CCDC178: variants seen among roughly 807,000 people sequenced by gnomAD.
CCDC178 encodes the protein coiled-coil domain containing 178.
Under a neutral mutation model 117.4 loss-of-function variants are expected in CCDC178, and 126 were observed. The ratio of observed to expected loss-of-function variants is 1.07; its 90% CI spans 0.93 to 1.24. The LOEUF (loss-of-function observed/expected upper bound fraction) is 1.24. Among genes scored for constraint, CCDC178 ranks in the 50% most tolerant of loss-of-function variants. CCDC178 has a pLI of 0.00. For synonymous variants in CCDC178, 283 were observed against 313.4 expected, an observed-to-expected ratio of 0.90 and a Z score of 1.02; for missense variants, 1,030 against 986.9, an observed-to-expected ratio of 1.04 and a Z score of -0.59.
chr18:33,028,856 T>C (rs1442261130), intron 21 of CCDC178, among the ~76,000 whole-genome samples: 2 of 151,916 alleles, frequency 1.3e-5, no homozygotes, highest in African/African-American at 4.8e-5. Flanking sequence ...TAACCTTGCA[T>C]ACCTAGGAAA....
rs112632471 is a variant in CCDC178, at chr18:33,433,407, T to C, written c.-23+6555A>G. Reference sequence around the variant, plus strand: ...AATGGAGAGACTAACTCTCCCTTAATTACGACCTTGTCAAAAGGTCATGAG... The same window carrying C: ...AATGGAGAGACTAACTCTCCCTTAACTACGACCTTGTCAAAAGGTCATGAG... On this transcript the variant is annotated intron_variant, in intron 2 of 22. Coordinates refer to ENST00000383096, the MANE Select transcript of CCDC178 (RefSeq NM_001105528.4). Among the ~76,000 whole-genome samples the C allele has an allele frequency of 5.3e-3, 812 of 152,282 alleles. 4 individuals carry two copies. The highest frequency in any genetic ancestry group is 0.034 in the Middle Eastern group (10 of 294).
At chr18:33,027,489 A>T (rs567177993) in intron 21 of CCDC178, among the ~76,000 whole-genome samples, 12 of 151,768 alleles carry the variant, frequency 7.9e-5, no homozygotes, top group Non-Finnish European at 1.5e-5. Flanking sequence ...CCTGCCACAT[A>T]CAAAAACAAA....
rs183101017 is a variant in CCDC178 at position 33,174,558 on chromosome 18, A to G, written c.2238+37338T>C. 3.9e-5 allele frequency among the ~76,000 whole-genome samples: 6 copies of G among 152,284 alleles called. No homozygotes were observed. The East Asian group carries it at 1.2e-3, about 30-fold the overall frequency. ...CAGAGAGAACTGAAAGAGGACACTG[A>G]CCAAAGATAGGTCATCACATGAGAC... On this transcript the variant is annotated intron_variant, in intron 20 of 22. Transcript: ENST00000383096.
rs1598731757 is a variant in CCDC178 at position 32,958,081 on chromosome 18, G to T, written c.2523+16466C>A. The stretch of plus-strand genomic sequence containing the variant: ...GAACTACTGAGCCAAGTCAGTGTTG[G>T]CAAATGATGGGCTAAATTATTGATG... On this transcript the variant is annotated intron_variant, in intron 22 of 22. Coordinates refer to ENST00000383096, the MANE Select transcript of CCDC178 (RefSeq NM_001105528.4). The T allele has an allele frequency of 8.2e-6, 3 of 365,320 alleles. No homozygotes were observed. The East Asian group carries it at 1.2e-4, about 14-fold the overall frequency. 22.6% of individuals were successfully genotyped at this position (365,320 alleles called of 1,614,324 possible). A position where few individuals can be genotyped will look rare whatever the true frequency, so the allele number is the denominator to read the frequency against.
chr18:33,193,012 C>T (rs1288575107), intron 20 of CCDC178, among the ~76,000 whole-genome samples: 1 of 151,502 alleles, frequency 6.6e-6, no homozygotes, highest in Non-Finnish European at 1.5e-5. Flanking sequence ...ATAATCCCAG[C>T]ACTTTGGGAG....
chr18:33,391,002 T>A (rs974225522), intron 4 of CCDC178, among the ~76,000 whole-genome samples: 3 of 151,196 alleles, frequency 2.0e-5, no homozygotes, highest in African/African-American at 4.8e-5. Context: ...AGTAAGTTTA[T>A]AGCAAAAATA....
intron 12 of CCDC178, among the ~76,000 whole-genome samples, chr18:33,281,237 T>C (rs997961715): frequency 2.6e-5 from 4 of 152,064 alleles, no homozygotes; most frequent in Admixed American, 6.6e-5. Flanking sequence ...TTTATTGCAA[T>C]GAGAGTAAGT....
chr18:32,979,313 C>A (rs1194576344), intron 21 of CCDC178, among the ~76,000 whole-genome samples: 1 of 151,886 alleles, frequency 6.6e-6, no homozygotes. Flanking sequence ...CCCCTGCCCC[C>A]ACGCTGGGCT....
intron 22 of CCDC178, among the ~76,000 whole-genome samples, chr18:32,959,311 C>G (rs147203197): frequency 1.3e-5 from 2 of 152,202 alleles, no homozygotes; most frequent in East Asian, 3.9e-4. Flanking sequence ...AAGGTTAAGC[C>G]TCCTATGTTT....
At chr18:33,343,577 C>T (rs549399562) in intron 9 of CCDC178, among the ~76,000 whole-genome samples, 2 of 152,212 alleles carry the variant, frequency 1.3e-5, no homozygotes, top group South Asian at 4.1e-4. Context: ...CCACAGATTC[C>T]CATGGGTTGA....
chr18:33,273,295 T>C (rs2059910621), intron 12 of CCDC178, among the ~76,000 whole-genome samples: 1 of 151,514 alleles, frequency 6.6e-6, no homozygotes, highest in South Asian at 2.1e-4. Context: ...TTTACAATAG[T>C]GTCAAAATGA....
chr18:33,318,672 G>A (rs533826301), intron 11 of CCDC178, among the ~76,000 whole-genome samples: 4 of 151,972 alleles, frequency 2.6e-5, no homozygotes, highest in South Asian at 2.1e-4. Flanking sequence ...GAAACAAGAC[G>A]ACTAACAAAT....
chr18:33,367,463 C>G (rs1292248043), intron 6 of CCDC178, among the ~76,000 whole-genome samples: 2 of 151,844 alleles, frequency 1.3e-5, no homozygotes, highest in African/African-American at 4.8e-5. Flanking sequence ...TCCAGTTGTG[C>G]CTGCTTAATT....
In CCDC178 at chr18:33,437,825, G is replaced by T. The variant is rs1044396275; in HGVS notation, c.-23+2137C>A. On this transcript the variant is annotated intron_variant, in intron 2 of 22. Coordinates refer to ENST00000383096, the MANE Select transcript of CCDC178 (RefSeq NM_001105528.4). ...AATACTTCGCAGTGTTATTGTGAGGGTTAAAATAAGATAATGTGTACAGAA... is the reference window on the plus strand; with the variant it reads ...AATACTTCGCAGTGTTATTGTGAGGTTTAAAATAAGATAATGTGTACAGAA... 5 of 152,024 alleles carry T rather than the reference G, an allele frequency of 3.3e-5. No individual in the cohort carries two copies. The East Asian group carries it at 5.8e-4, about 18-fold the overall frequency. 9.4% of individuals were successfully genotyped at this position (152,024 alleles called of 1,614,324 possible).
intron 6 of CCDC178, among the ~76,000 whole-genome samples, chr18:33,357,144 T>TTG: frequency 6.6e-6 from 1 of 152,228 alleles, no homozygotes; most frequent in East Asian, 1.9e-4. Flanking sequence ...AACCAATGTA[T>TTG]AACTTGCATG....
intron 22 of CCDC178, among the ~76,000 whole-genome samples, chr18:32,938,639 AC>A (rs2054172009): frequency 6.6e-6 from 1 of 152,180 alleles, no homozygotes; most frequent in Non-Finnish European, 1.5e-5. Flanking sequence ...ACAGAAGGGT[AC>A]TTAATAATTA....
chr18:33,309,099 A>C (rs1007868075), intron 11 of CCDC178, among the ~76,000 whole-genome samples: 1 of 152,072 alleles, frequency 6.6e-6, no homozygotes. Context: ...TTTTATATTT[A>C]TATCTGCTTG....
intron 5 of CCDC178, among the ~76,000 whole-genome samples, chr18:33,378,617 C>T (rs1166494314): frequency 1.3e-5 from 2 of 152,036 alleles, no homozygotes. Flanking sequence ...TCATTTTATG[C>T]CCTGTTTCTT....
chr18:33,185,082 T>G (rs1295969675), intron 20 of CCDC178, among the ~76,000 whole-genome samples: 1 of 152,014 alleles, frequency 6.6e-6, no homozygotes, highest in Admixed American at 6.6e-5. Context: ...TCTAATATCT[T>G]TCAGGTGAAT....
Sources: gnomAD v4.1 joint callset for allele counts (sites outside exome capture counted in the v4.1 genomes callset) on GRCh38, gnomAD v4.1.1 for gene constraint, MANE v1.5 for transcripts, NCBI Gene and HGNC (gene_info 2026-07-23, HGNC 2026-07-21) for gene names.